Variants in FAT3 observed in about 807,000 individuals in gnomAD.
FAT3 encodes the protein protocadherin Fat 3.
A neutral mutation model predicts 310.2 loss-of-function variants in FAT3; 95 were observed. The ratio of observed to expected loss-of-function variants is 0.31; its 90% CI spans 0.26 to 0.36. The LOEUF (loss-of-function observed/expected upper bound fraction) is 0.36. Among genes scored for constraint, FAT3 ranks in the 10% least tolerant of loss-of-function variants. The pLI is 1.00. For missense variants in FAT3, 5,408 were observed against 5,715.6 expected, an observed-to-expected ratio of 0.95 and a Z score of 1.74; for synonymous variants, 2,314 against 2,192.9, an observed-to-expected ratio of 1.06 and a Z score of -1.54.
chr11:92,635,603 C>T lies in FAT3; in HGVS notation c.3608-61781C>T, dbSNP rs1440989237. Among the ~76,000 whole-genome samples, 7 of 152,220 alleles carry T rather than the reference C, an allele frequency of 4.6e-5. No homozygotes were observed. The East Asian group carries it at 1.4e-3, about 29-fold the overall frequency. On this transcript the variant is annotated intron_variant, in intron 3 of 27. Coordinates refer to ENST00000525166, the MANE Select transcript of FAT3 (RefSeq NM_001367949.2). ...TTTAAATTGACTTTGAAGCACCTTCCAGCCATTTGTTCAACAGTTAAATTC... is the reference window on the plus strand; with the variant it reads ...TTTAAATTGACTTTGAAGCACCTTCTAGCCATTTGTTCAACAGTTAAATTC...
chr11:92,853,920 T>G (rs1352300685), intron 19 of FAT3, among the ~76,000 whole-genome samples: 1 of 152,178 alleles, frequency 6.6e-6, no homozygotes, highest in East Asian at 1.9e-4. Context: ...AGGCTTCAGA[T>G]AGTCCCTGGC....
intron 4 of FAT3, among the ~76,000 whole-genome samples, chr11:92,734,353 G>C (rs1468129978): frequency 1.3e-5 from 2 of 152,164 alleles, no homozygotes; most frequent in African/African-American, 4.8e-5. Context: ...TTTGTTCCAA[G>C]TCCAGCAAAC....
chr11:92,608,013 C>G (rs187191023), intron 3 of FAT3, among the ~76,000 whole-genome samples: 58 of 151,206 alleles, frequency 3.8e-4, no homozygotes, highest in African/African-American at 1.4e-3. Flanking sequence ...TTTTTTTAAT[C>G]TTAAAATGAA....
At chr11:92,368,843 T>TATATAC (rs887571910) in intron 2 of FAT3, among the ~76,000 whole-genome samples, 14 of 145,902 alleles carry the variant, frequency 9.6e-5, no homozygotes, top group Non-Finnish European at 1.8e-4. Flanking sequence ...CATATATATA[T>TATATAC]ATATACACAC....
intron 3 of FAT3, among the ~76,000 whole-genome samples, chr11:92,585,131 C>T (rs2135544259): frequency 6.6e-6 from 1 of 152,082 alleles, no homozygotes; most frequent in Non-Finnish European, 1.5e-5. Context: ...TTCTTGATAA[C>T]CAAGATGTCC....
chr11:92,853,752 A>G (rs1311058367), intron 19 of FAT3, among the ~76,000 whole-genome samples: 1 of 152,096 alleles, frequency 6.6e-6, no homozygotes, highest in Non-Finnish European at 1.5e-5. Context: ...GCTAGTCTGG[A>G]TATCTGTTTG....
At chr11:92,879,341 A>T (rs929949737) in intron 22 of FAT3, among the ~76,000 whole-genome samples, 1 of 152,210 alleles carries the variant, frequency 6.6e-6, no homozygotes, top group Non-Finnish European at 1.5e-5. Flanking sequence ...ACAGCAGGAA[A>T]GCAGGGCCAG....
intron 4 of FAT3, among the ~76,000 whole-genome samples, chr11:92,725,006 A>C (rs1217989769): frequency 6.6e-6 from 1 of 152,210 alleles, no homozygotes; most frequent in Non-Finnish European, 1.5e-5. Flanking sequence ...GCAAACCAAA[A>C]TATTCACCTG....
In FAT3 at chr11:92,354,910, C is replaced by T. The variant is rs778681161; in HGVS notation, c.2798C>T (p.Ser933Phe). The change falls in exon 2 of 28, where the codon TCC (serine) becomes TTC (phenylalanine). Residue 933 changes from serine to phenylalanine, a missense_variant. Transcript: ENST00000525166. ...TTTTTAGATGATGTCAATGACTGCT[C>T]CCCAGCTTTCATTCCCAGTAGCTAT... is the stretch of plus-strand genomic sequence containing the variant. Reference protein sequence around the residue: ...KVFLDDVNDCSPAFIPSSYSV... With the variant: ...KVFLDDVNDCFPAFIPSSYSV... 6.2e-7 allele frequency: 1 copy of T among 1,613,836 alleles called. No individual in the cohort carries two copies. Among genetic ancestry groups the T allele is most frequent in the Non-Finnish European group, 8.5e-7 (1 of 1,179,846 alleles).
At chr11:92,334,020 A>C (rs751558624) in intron 1 of FAT3, among the ~76,000 whole-genome samples, 1 of 152,200 alleles carries the variant, frequency 6.6e-6, no homozygotes, top group African/African-American at 2.4e-5. Context: ...CCAGTATTCA[A>C]ATATTTACAT....
intron 4 of FAT3, among the ~76,000 whole-genome samples, chr11:92,722,165 C>A (rs922868153): frequency 2.6e-5 from 4 of 152,144 alleles, no homozygotes; most frequent in Admixed American, 1.3e-4. Flanking sequence ...ACCTATGAGC[C>A]TGTAAAATCA....
intron 1 of FAT3, among the ~76,000 whole-genome samples, chr11:92,266,537 C>T (rs1472956203): frequency 8.6e-5 from 13 of 152,000 alleles, no homozygotes; most frequent in South Asian, 6.2e-4. Context: ...TTAATTCTAG[C>T]GGGTATATGT....
At chr11:92,613,507 T>G (rs1292175683) in intron 3 of FAT3, among the ~76,000 whole-genome samples, 2 of 152,248 alleles carry the variant, frequency 1.3e-5, no homozygotes, top group Admixed American at 1.3e-4. Context: ...TTTTAATCGC[T>G]GTTTTTAAGT....
rs144257000 is a variant in FAT3, at chr11:92,741,310, G to GTGTT, written c.3670-20545_3670-20542dup. Among the ~76,000 whole-genome samples, 1,324 of 152,258 alleles carry GTGTT rather than the reference G, an allele frequency of 8.7e-3. 16 individuals are homozygous for GTGTT. The highest frequency in any genetic ancestry group is 0.03 in the African/African-American group (1,256 of 41,542). On this transcript the variant is annotated intron_variant, in intron 4 of 27. Transcript: ENST00000525166. Reference sequence around the variant, plus strand: ...CCCACCACCACCTCACAAATTGCTGGTGTTGAACTACCACATAGGCATGAA... The same window carrying GTGTT: ...CCCACCACCACCTCACAAATTGCTGGTGTTTGTTGAACTACCACATAGGCATGAA...
intron 3 of FAT3, among the ~76,000 whole-genome samples, chr11:92,602,627 T>G (rs1487102783): frequency 6.6e-6 from 1 of 152,210 alleles, no homozygotes; most frequent in Non-Finnish European, 1.5e-5. Flanking sequence ...GATACAAATG[T>G]GGCTGAAGCA....
chr11:92,293,056 G>A (rs568715589), intron 1 of FAT3, among the ~76,000 whole-genome samples: 2 of 140,364 alleles, frequency 1.4e-5, no homozygotes, highest in Non-Finnish European at 1.5e-5. Context: ...AAGGAAGGAA[G>A]GAAGGAAGGA....
In FAT3 at chr11:92,882,585, TC is replaced by T. The variant is rs58520864; in HGVS notation, c.12282-143del. ...CAGAAATGCCTAAATTAACTCCCCC[TC>T]CCCCCCCCCACCAACCATCTTTGTC... is the stretch of plus-strand genomic sequence containing the variant. On this transcript the variant is annotated intron_variant, in intron 23 of 27. Transcript: ENST00000525166. 7.0e-3 allele frequency among the ~76,000 whole-genome samples: 654 copies of T among 93,254 alleles called. 50 individuals carry two copies. The highest frequency in any genetic ancestry group is 0.024 in the African/African-American group (568 of 23,532). The allele number at this position is 93,254 out of a possible 152,430, so 61.2% of individuals were successfully genotyped here.
At position 92,790,204 on chromosome 11, in the gene FAT3, A is replaced by G. The variant is rs978236495; in HGVS notation, c.4597A>G (p.Ile1533Val). Reference sequence around the variant, plus strand: ...GGACCATGAGGCCCAGGACAAGCACATTCTCAACATAATGGTAGGACCAAA... The same window carrying G: ...GGACCATGAGGCCCAGGACAAGCACGTTCTCAACATAATGGTAGGACCAAA... The part of the protein sequence containing the change: ...RLDHEAQDKH[I>V]LNIMVRDQEF... The change falls in exon 8 of 28, where the codon ATT (isoleucine) becomes GTT (valine). Residue 1533 changes from isoleucine (I) to valine (V), a missense_variant. This residue lies in a region of FAT3 where 4,588 missense variants were observed against 4,809.8 expected (regional missense o/e 0.95). Coordinates refer to ENST00000525166, the MANE Select transcript of FAT3 (RefSeq NM_001367949.2). 4 of 1,613,496 alleles carry G rather than the reference A, an allele frequency of 2.5e-6. No homozygotes were observed. In the African/African-American group the frequency reaches 4.0e-5, roughly 16 times the overall value.
intron 1 of FAT3, among the ~76,000 whole-genome samples, chr11:92,228,127 C>G (rs1291593070): frequency 1.3e-5 from 2 of 152,132 alleles, no homozygotes; most frequent in African/African-American, 2.4e-5. Flanking sequence ...CTGAATCACA[C>G]AGAGAACTCC....
Sources: allele counts gnomAD v4.1 joint callset (sites outside exome capture counted in the v4.1 genomes callset), GRCh38; gene constraint gnomAD v4.1.1; regional missense constraint gnomAD v4.1.1; transcripts MANE v1.5; gene names NCBI Gene and HGNC (gene_info 2026-07-23, HGNC 2026-07-21).